The following TRIM55 variants were observed in gnomAD, a reference collection of about 807,000 sequenced individuals.
TRIM55 encodes tripartite motif-containing protein 55.
In TRIM55, 50 loss-of-function variants were observed where a neutral mutation model predicts 60.9. That is an observed-to-expected ratio of 0.82 (90% CI 0.65 to 1.04). The LOEUF is 1.04. Ranked by LOEUF, TRIM55 falls within the 50% of genes least tolerant of loss-of-function variation. The pLI is 0.00. For synonymous variants in TRIM55, 237 were observed against 238.1 expected (o/e 1.00, Z 0.04); for missense variants, 681 against 666.9 (o/e 1.02, Z -0.23).
Position 66,174,824 on chromosome 8 carries a change from A to G in TRIM55, c.*231A>G. On this transcript the variant is annotated 3_prime_UTR_variant, in exon 10 of 10. Transcript: ENST00000315962. The stretch of plus-strand genomic sequence containing the variant: ...CTGGAAATAATAAACTTGATCTTAT[A>G]CAAATCTTCTATTGTGTGGAAAATG... 6.3e-6 allele frequency: 2 copies of G among 316,584 alleles called. No individual in the cohort carries two copies. Among genetic ancestry groups the G allele is most frequent in the South Asian group, 7.8e-5 (2 of 25,510 alleles). 19.6% of individuals were successfully genotyped at this position (316,584 alleles called of 1,614,324 possible).
At chr8:66,115,855 C>T in the TRIM55 span, among the ~76,000 whole-genome samples, 1 of 152,098 alleles carries the variant, frequency 6.6e-6, no homozygotes, top group East Asian at 1.9e-4. Context: ...CATGTAAAGG[C>T]CTTAGTACAG....
intron 4 of TRIM55, among the ~76,000 whole-genome samples, chr8:66,144,330 T>C (rs1374762228): frequency 6.6e-6 from 1 of 152,198 alleles, no homozygotes; most frequent in Admixed American, 6.5e-5. Flanking sequence ...CCCTTTTTGG[T>C]ATATTGCATC....
intron 2 of TRIM55, among the ~76,000 whole-genome samples, chr8:66,134,230 G>T (rs1267326732): frequency 6.6e-6 from 1 of 152,144 alleles, no homozygotes; most frequent in Non-Finnish European, 1.5e-5. Flanking sequence ...TTTGAAGAAA[G>T]CTTCTGGATT....
the TRIM55 span, among the ~76,000 whole-genome samples, chr8:66,114,082 A>ACCCCCCCCCC: frequency 1.3e-5 from 1 of 75,300 alleles, no homozygotes; most frequent in Admixed American, 1.6e-4. Flanking sequence ...AAGGAGAGAC[A>ACCCCCCCCCC]CCCCCCCCCC....
chr8:66,156,180 G>A (rs568589703), intron 9 of TRIM55, among the ~76,000 whole-genome samples: 17 of 152,306 alleles, frequency 1.1e-4, no homozygotes, highest in African/African-American at 3.4e-4. Context: ...GTGACTCCTC[G>A]TGGGATGATG....
chr8:66,149,277 GCA>G (rs1810270830), intron 4 of TRIM55, among the ~76,000 whole-genome samples: 1 of 151,986 alleles, frequency 6.6e-6, no homozygotes, highest in Non-Finnish European at 1.5e-5. Flanking sequence ...TTCCTTGCAT[GCA>G]CACACATGCA....
chr8:66,161,496 T>G (rs1248241277), intron 9 of TRIM55, among the ~76,000 whole-genome samples: 2 of 152,120 alleles, frequency 1.3e-5, no homozygotes, highest in East Asian at 1.9e-4. Flanking sequence ...TTAGTCTTTC[T>G]TTGGCTTATG....
At chr8:66,150,154 T>G in intron 5 of TRIM55, 63 bp from the exon 6 acceptor site, 2 of 1,562,110 alleles carry the variant, frequency 1.3e-6, no homozygotes, top group Non-Finnish European at 1.7e-6. Context: ...AGGAAATAAT[T>G]GTCTTACCAC....
chr8:66,173,271 G>T (rs1422089533), intron 9 of TRIM55, among the ~76,000 whole-genome samples: 1 of 152,128 alleles, frequency 6.6e-6, no homozygotes, highest in East Asian at 1.9e-4. Context: ...CAATGTGGCA[G>T]TACAAAGGAT....
chr8:66,152,685 G>C (rs986691107), intron 8 of TRIM55, 58 bp downstream of exon 8: 17 of 1,560,446 alleles, frequency 1.1e-5, no homozygotes, highest in African/African-American at 1.4e-5. Flanking sequence ...TTATGGAATA[G>C]CCTAAACAAT....
At chr8:66,132,640 T>G (rs1036736428) in intron 2 of TRIM55, among the ~76,000 whole-genome samples, 2 of 152,192 alleles carry the variant, frequency 1.3e-5, no homozygotes, top group Non-Finnish European at 2.9e-5. Context: ...CACTGGGCCC[T>G]GACCACAGCT....
intron 9 of TRIM55, among the ~76,000 whole-genome samples, chr8:66,158,279 C>T (rs796387336): frequency 2.0e-5 from 3 of 151,994 alleles, no homozygotes; most frequent in African/African-American, 7.2e-5. Context: ...TATATAGAAC[C>T]ACAGCTCAGT....
Position 66,174,588 on chromosome 8 carries a change from G to T in TRIM55, c.1642G>T (p.Glu548Ter). ...FSFSWLNSLN[E>*] is the part of the protein sequence containing the mutation. ...CTTTTCCTGGTTGAACTCCCTAAAT[G>T]AATGATATTCATTCCAACTGCTGCC... is the stretch of plus-strand genomic sequence containing the variant. The change falls in exon 10 of 10, where the codon GAA (glutamate) becomes TAA (stop). Residue 548 changes from glutamate to a stop codon, truncating the protein, a stop_gained. Coordinates refer to ENST00000315962, the MANE Select transcript of TRIM55 (RefSeq NM_184085.2). LOFTEE classifies it high-confidence loss of function. The T allele has an allele frequency of 1.3e-6, 2 of 1,596,810 alleles. No homozygotes were observed. Among genetic ancestry groups the T allele is most frequent in the South Asian group, 2.2e-5 (2 of 89,146 alleles).
Position 66,162,486 on chromosome 8 carries a change from T to G in TRIM55, c.1524+8152T>G, listed in dbSNP as rs558022578. 1.3e-3 allele frequency among the ~76,000 whole-genome samples: 194 copies of G among 152,168 alleles called. 1 individual carries two copies. Among genetic ancestry groups the G allele is most frequent in the Non-Finnish European group, 2.0e-3 (139 of 67,956 alleles). ...GATATTGGTCTGTAGTTTTTTTTTT[T>G]TGTAATGTCCTCCCCTGGTTTTGGT... On this transcript the variant is annotated intron_variant, in intron 9 of 9. Transcript: ENST00000315962.
chr8:66,127,370 G>A lies in TRIM55; in HGVS notation c.102G>A (p.Thr34=), dbSNP rs11991549. ...LICPICLEMF[T]KPVVILPCQH... ...GTCCCATCTGCTTAGAGATGTTCAC[G>A]AAACCTGTGGTGATTCTCCCTTGTC... The change falls in exon 1 of 10, where the codon ACG becomes ACA. Residue 34 remains threonine (T), a synonymous_variant. Coordinates refer to ENST00000315962, the MANE Select transcript of TRIM55 (RefSeq NM_184085.2). The A allele has an allele frequency of 4.6e-3, 7,499 of 1,614,084 alleles. 259 individuals carry two copies. The African/African-American group carries it at 0.081, about 17-fold the overall frequency.
rs1167407401 is a variant in TRIM55, at chr8:66,154,049, G to T, written c.1239G>T (p.Gly413=). The change falls in exon 9 of 10, where the codon GGG becomes GGT. Residue 413 remains glycine, a splice_region_variant and synonymous_variant. Coordinates refer to ENST00000315962, the MANE Select transcript of TRIM55 (RefSeq NM_184085.2). ...PPAADAPVTQ[G]EVVPTGSEQT... ...TGAATTTATCTGTCCTGATTAAGGG[G>T]GAGGTTGTACCCACTGGCTCTGAGC... 2 of 1,611,344 alleles carry T rather than the reference G, an allele frequency of 1.2e-6. No homozygotes were observed. The highest frequency in any genetic ancestry group is 2.2e-5 in the East Asian group (1 of 44,850).
chr8:66,135,349 C>T (rs1039747946), intron 3 of TRIM55, among the ~76,000 whole-genome samples, 194 bp downstream of exon 3: 1 of 152,190 alleles, frequency 6.6e-6, no homozygotes, highest in South Asian at 2.1e-4. Context: ...CACCAAATTC[C>T]CTGGACGGTG....
intron 7 of TRIM55, among the ~76,000 whole-genome samples, chr8:66,151,885 TAAATAAATAA>T (rs1374004808): frequency 6.8e-6 from 1 of 147,998 alleles, no homozygotes. Context: ...AATAAATAAA[TAAATAAATAA>T]AAGAGTCGTG....
chr8:66,174,322 T>A (rs1348363913), intron 9 of TRIM55, 149 bp from the exon 10 acceptor site: 5 of 545,922 alleles, frequency 9.2e-6, no homozygotes, highest in Non-Finnish European at 1.0e-5. Context: ...TGCTTTCTAT[T>A]TCTAATAATT....
Sources: gnomAD v4.1 joint callset for allele counts (sites outside exome capture counted in the v4.1 genomes callset) on GRCh38, gnomAD v4.1.1 for gene constraint, MANE v1.5 for transcripts, NCBI Gene and HGNC (gene_info 2026-07-23, HGNC 2026-07-21) for gene names.